Variants in WDPCP observed in about 807,000 individuals in gnomAD.
WDPCP encodes WD repeat containing planar cell polarity effector.
Under a neutral mutation model 93.1 loss-of-function variants are expected in WDPCP, and 71 were observed. The observed-to-expected ratio is 0.76, with a 90% confidence interval of 0.63 to 0.93. The LOEUF (loss-of-function observed/expected upper bound fraction) is 0.93. WDPCP is among the 40% of genes least tolerant of loss of function. The probability of loss-of-function intolerance (pLI) is 0.00; values close to 1 mark genes in which losing one functional copy is unlikely to be tolerated. For missense variants in WDPCP, 844 were observed against 887.4 expected, an observed-to-expected ratio of 0.95 and a Z score of 0.62; for synonymous variants, 315 against 315.0, an observed-to-expected ratio of 1.00 and a Z score of 0.00.
At chr2:63,510,933 G>A (rs1415857110) in intron 1 of WDPCP, among the ~76,000 whole-genome samples, 1 of 152,132 alleles carries the variant, frequency 6.6e-6, no homozygotes, top group Non-Finnish European at 1.5e-5. Flanking sequence ...CTGAGATCAA[G>A]CCACTACACT....
chr2:63,353,684 T>A (rs1280909716), intron 12 of WDPCP, among the ~76,000 whole-genome samples: 6 of 151,908 alleles, frequency 3.9e-5, no homozygotes, highest in East Asian at 3.9e-4. Context: ...CCAACTAGGG[T>A]CTCCATCCAC....
At chr2:63,526,131 G>A (rs939543098) in intron 1 of WDPCP, among the ~76,000 whole-genome samples, 10 of 152,074 alleles carry the variant, frequency 6.6e-5, no homozygotes, top group Admixed American at 2.0e-4. Context: ...TGAGAACAGA[G>A]GAGGAACTGA....
rs571579959 is a variant in WDPCP, at chr2:63,681,215, G to A, written n.309-30377C>T. Among the ~76,000 whole-genome samples the A allele has an allele frequency of 3.9e-5, 6 of 152,284 alleles. No individual in the cohort carries two copies. In the East Asian group the frequency reaches 1.2e-3, roughly 29 times the overall value. On this transcript the variant is annotated intron_variant and non_coding_transcript_variant, in intron 2 of 4. Coordinates refer to the WDPCP transcript ENST00000467687. ...CTTTAGCTACTAGCTCAGCCACAGGGACGTACAGCACCAACAGGGCTCTTA... is the reference window on the plus strand; with the variant it reads ...CTTTAGCTACTAGCTCAGCCACAGGAACGTACAGCACCAACAGGGCTCTTA...
intron 1 of WDPCP, among the ~76,000 whole-genome samples, chr2:63,550,243 T>C (rs1705505713): frequency 7.0e-6 from 1 of 143,170 alleles, no homozygotes; most frequent in African/African-American, 2.5e-5. Context: ...ACACACACCC[T>C]TCCTCTAATT....
intron 14 of WDPCP, among the ~76,000 whole-genome samples, chr2:63,257,102 T>C (rs1681217662): frequency 1.3e-5 from 2 of 152,298 alleles, no homozygotes; most frequent in South Asian, 4.1e-4. Flanking sequence ...TACCAAATTG[T>C]TCAGATTATC....
intron 13 of WDPCP, among the ~76,000 whole-genome samples, chr2:63,310,927 A>G (rs1437373282): frequency 2.0e-5 from 3 of 152,218 alleles, no homozygotes; most frequent in African/African-American, 7.2e-5. Context: ...GGCCCTTTAG[A>G]GGAAAAGTTT....
chr2:63,754,693 T>A (rs1669934940), intron 2 of WDPCP, among the ~76,000 whole-genome samples: 1 of 152,194 alleles, frequency 6.6e-6, no homozygotes, highest in Non-Finnish European at 1.5e-5. Context: ...CTTTACACAA[T>A]CATTCAGGCA....
At chr2:63,704,710 T>C (rs955863500) in intron 2 of WDPCP, among the ~76,000 whole-genome samples, 1 of 152,254 alleles carries the variant, frequency 6.6e-6, no homozygotes, top group Non-Finnish European at 1.5e-5. Flanking sequence ...CAGTATTTTA[T>C]TGAGGATTTT....
chr2:63,649,032 T>C (rs1220707371), intron 3 of WDPCP, among the ~76,000 whole-genome samples: 1 of 152,186 alleles, frequency 6.6e-6, no homozygotes, highest in African/African-American at 2.4e-5. Context: ...CATTTAAAAA[T>C]TGAGATATAT....
At chr2:63,829,785 C>T (rs1671167044), upstream of WDPCP, among the ~76,000 whole-genome samples, 1 of 151,892 alleles carries the variant, frequency 6.6e-6, no homozygotes, top group Non-Finnish European at 1.5e-5. Context: ...TGCATTTTGT[C>T]TTAAATTTTG....
intron 13 of WDPCP, among the ~76,000 whole-genome samples, chr2:63,261,265 T>C (rs1215138443): frequency 6.6e-6 from 1 of 152,050 alleles, no homozygotes; most frequent in Non-Finnish European, 1.5e-5. Context: ...CAGCAGTGTT[T>C]TTCAGACCTT....
intron 3 of WDPCP, among the ~76,000 whole-genome samples, chr2:63,598,639 C>T (rs757707147): frequency 1.4e-4 from 22 of 152,124 alleles, no homozygotes; most frequent in Non-Finnish European, 2.1e-4. Flanking sequence ...GCTTTCTGTG[C>T]ACTTCATTTT....
chr2:63,419,840 C>T (rs1476410733), intron 9 of WDPCP, among the ~76,000 whole-genome samples: 1 of 152,078 alleles, frequency 6.6e-6, no homozygotes, highest in Non-Finnish European at 1.5e-5. Context: ...AAAACTTTCA[C>T]CAGTAAGTGC....
chr2:63,508,131 C>T (rs1419622344), intron 1 of WDPCP, among the ~76,000 whole-genome samples: 1 of 151,960 alleles, frequency 6.6e-6, no homozygotes, highest in Non-Finnish European at 1.5e-5. Context: ...GACAAATGAT[C>T]GTCAGATTCA....
At chr2:63,521,681 T>G (rs75934274) in intron 1 of WDPCP, among the ~76,000 whole-genome samples, 29,502 of 152,048 alleles carry the variant, frequency 0.19, 3,679 homozygotes, top group Non-Finnish European at 0.25. Context: ...AGGGACCTAA[T>G]AGACATCTAC....
intron 2 of WDPCP, among the ~76,000 whole-genome samples, chr2:63,758,873 G>A (rs746487759): frequency 6.6e-6 from 1 of 152,124 alleles, no homozygotes; most frequent in Non-Finnish European, 1.5e-5. Context: ...AGACTCCCGA[G>A]TTCAAGCAAT....
rs745808806 is a variant in WDPCP at position 63,487,498 on chromosome 2, T to C, written c.161-4A>G. 18 of 1,583,500 alleles carry C rather than the reference T, an allele frequency of 1.1e-5. No individual in the cohort carries two copies. The highest frequency in any genetic ancestry group is 2.7e-5 in the African/African-American group (2 of 74,062). Reference sequence around the variant, plus strand: ...TGGTAGATCCCAATGTCTCTATCTATAGAAAGGAAGAAATAACATTAAATT... The same window carrying C: ...TGGTAGATCCCAATGTCTCTATCTACAGAAAGGAAGAAATAACATTAAATT... On this transcript the variant is annotated splice_region_variant and splice_polypyrimidine_tract_variant and intron_variant, in intron 2 of 17. Transcript: ENST00000272321.
At chr2:63,497,111 C>CAAAA (rs10667775) in intron 1 of WDPCP, among the ~76,000 whole-genome samples, 902 of 71,812 alleles carry the variant, frequency 0.013, 56 homozygotes, top group African/African-American at 0.021. Context: ...GACTCCATCT[C>CAAAA]AAAAAAAAAA....
upstream of WDPCP, among the ~76,000 whole-genome samples, chr2:63,828,336 G>T (rs537684150): frequency 6.6e-6 from 1 of 151,936 alleles, no homozygotes; most frequent in Non-Finnish European, 1.5e-5. Context: ...TATTTCCTCA[G>T]AGAGGGCTTC....
Sources: allele counts gnomAD v4.1 joint callset (sites outside exome capture counted in the v4.1 genomes callset), GRCh38; gene constraint gnomAD v4.1.1; transcripts MANE v1.5; gene names NCBI Gene and HGNC (gene_info 2026-07-23, HGNC 2026-07-21).